Variants in ZNF101 observed in about 807,000 individuals in gnomAD.
ZNF101 encodes the protein zinc finger protein 101, also known as zinc finger protein 101 (Y2).
A neutral mutation model predicts 42.6 loss-of-function variants in ZNF101; 34 were observed. The ratio of observed to expected loss-of-function variants is 0.80; its 90% CI spans 0.61 to 1.06. ZNF101 has a LOEUF of 1.06. Among genes scored for constraint, ZNF101 ranks in the 50% least tolerant of loss-of-function variants. The pLI is 0.00. For synonymous variants in ZNF101, 158 were observed against 183.9 expected (o/e 0.86, Z 1.14); for missense variants, 466 against 530.9 (o/e 0.88, Z 1.20).
At position 19,680,145 on chromosome 19, in the gene ZNF101, A is replaced by G; in HGVS notation, c.1156A>G (p.Met386Val). Residue 386 changes from methionine to valine, a missense_variant, in exon 4 of 4, where the codon ATG (methionine) becomes GTG (valine). Coordinates refer to ENST00000592502, the MANE Select transcript of ZNF101 (RefSeq NM_033204.4). The part of the protein sequence containing the change: ...GWCSSLRRHE[M>V]THTGEKPFDC... ...GTGCAGTTCCCTCCGAAGACATGAA[A>G]TGACTCACACTGGAGAAAAACCCTT... The G allele has an allele frequency of 1.9e-6, 3 of 1,613,536 alleles. No homozygotes were observed. Among genetic ancestry groups the G allele is most frequent in the Non-Finnish European group, 2.5e-6 (3 of 1,179,884 alleles).
chr19:19,668,695 C>T (rs1568434662), upstream of ZNF101: 1 of 469,354 alleles, frequency 2.1e-6, no homozygotes, highest in Non-Finnish European at 3.8e-6. Flanking sequence ...ATTCCGATCA[C>T]CTCTCCTGTC....
At chr19:19,669,067 G>C (rs2062152758) in intron 1 of ZNF101, 101 bp downstream of exon 1, 6 of 1,465,938 alleles carry the variant, frequency 4.1e-6, no homozygotes, top group African/African-American at 1.4e-5. Flanking sequence ...GGGGGTCTGG[G>C]ACCCGAGTCC....
chr19:19,675,866 G>T (rs1031745204), intron 1 of ZNF101, among the ~76,000 whole-genome samples: 3 of 152,150 alleles, frequency 2.0e-5, no homozygotes, highest in Non-Finnish European at 2.9e-5. Flanking sequence ...AAAATTAGCT[G>T]GGTGTGGTGG....
chr19:19,682,003 A>G lies in ZNF101; in HGVS notation c.*1703A>G, dbSNP rs556399306. On this transcript the variant is annotated 3_prime_UTR_variant, in exon 4 of 4. Transcript: ENST00000592502. ...AGTGGCACAATCTCGGCTCACTGCAACCTCCGCCTCCTGGGTGTGAGCAAT... is the reference window on the plus strand; with the variant it reads ...AGTGGCACAATCTCGGCTCACTGCAGCCTCCGCCTCCTGGGTGTGAGCAAT... The G allele has an allele frequency of 1.4e-5, 2 of 147,330 alleles. No individual in the cohort carries two copies. The highest frequency in any genetic ancestry group is 1.4e-4 in the Admixed American group (2 of 14,606). The allele number at this position is 147,330 out of a possible 1,614,324, so 9.1% of individuals were successfully genotyped here. A position where few individuals can be genotyped will look rare whatever the true frequency, so the allele number is the denominator to read the frequency against.
intron 1 of ZNF101, among the ~76,000 whole-genome samples, chr19:19,673,218 T>G: frequency 6.7e-6 from 1 of 148,240 alleles, no homozygotes; most frequent in Non-Finnish European, 1.5e-5. Context: ...CCCAAAGTGG[T>G]GGGATTACAG....
intron 1 of ZNF101, among the ~76,000 whole-genome samples, chr19:19,669,314 C>T (rs554727893): frequency 6.6e-6 from 1 of 152,154 alleles, no homozygotes. Flanking sequence ...TTCCTCCTCC[C>T]TTAGGCGGTC....
intron 1 of ZNF101, among the ~76,000 whole-genome samples, chr19:19,672,823 G>A (rs1402539780): frequency 6.6e-6 from 1 of 152,038 alleles, no homozygotes; most frequent in African/African-American, 2.4e-5. Flanking sequence ...CACTGTGACT[G>A]GCTGGTATTT....
Position 19,670,837 on chromosome 19 carries a change from G to A in ZNF101, c.3+1871G>A, listed in dbSNP as rs145535422. 6.4e-3 allele frequency among the ~76,000 whole-genome samples: 979 copies of A among 152,220 alleles called. 5 individuals carry two copies. The highest frequency in any genetic ancestry group is 0.022 in the African/African-American group (928 of 41,530). ...AAAGGCATGGTAGGTCGGGCGCGATGGCTCACGCCTGTAATCCCAACACTT... is the reference window on the plus strand; with the variant it reads ...AAAGGCATGGTAGGTCGGGCGCGATAGCTCACGCCTGTAATCCCAACACTT... On this transcript the variant is annotated intron_variant, in intron 1 of 3. Transcript: ENST00000592502.
Position 19,679,652 on chromosome 19 carries a change from A to T in ZNF101, c.663A>T (p.Gly221=), listed in dbSNP as rs369288641. The change falls in exon 4 of 4, where the codon GGA becomes GGT. Residue 221 remains glycine, a synonymous_variant. Coordinates refer to ENST00000592502, the MANE Select transcript of ZNF101 (RefSeq NM_033204.4). ...FFRKHGKMHT[G]EKRYECKYCG... ...GAAAACATGGAAAAATGCATACTGG[A>T]GAAAAACGCTATGAATGTAAATACT... is the stretch of plus-strand genomic sequence containing the variant. The T allele has an allele frequency of 1.9e-6, 3 of 1,613,666 alleles. No homozygotes were observed. Among genetic ancestry groups the T allele is most frequent in the Non-Finnish European group, 2.5e-6 (3 of 1,179,730 alleles).
chr19:19,668,905 T>C lies in ZNF101; in HGVS notation c.-59T>C. 1 of 1,548,374 alleles carries C rather than the reference T, an allele frequency of 6.5e-7. No individual in the cohort carries two copies. Among genetic ancestry groups the C allele is most frequent in the Non-Finnish European group, 8.7e-7 (1 of 1,143,954 alleles). On this transcript the variant is annotated 5_prime_UTR_variant, in exon 1 of 4. Transcript: ENST00000592502. ...CCCGGATACGGCTGATTTTGTCGTG[T>C]GGGACCTGTTCTGGCTGCTCCAGCC...
At position 19,679,803 on chromosome 19, in the gene ZNF101, G is replaced by C; in HGVS notation, c.814G>C (p.Glu272Gln). 3 of 1,613,806 alleles carry C rather than the reference G, an allele frequency of 1.9e-6. No homozygotes were observed. Among genetic ancestry groups the C allele is most frequent in the Non-Finnish European group, 2.5e-6 (3 of 1,179,848 alleles). The change falls in exon 4 of 4, where the codon GAA becomes CAA. Residue 272 changes from glutamate (E) to glutamine (Q), a missense_variant. Coordinates refer to ENST00000592502, the MANE Select transcript of ZNF101 (RefSeq NM_033204.4). ...TTCCGCAGGTTACCTTCGGACACAT[G>C]AAATCAGATCTCACGCGCTGGAGAA... ...FISAGYLRTH[E>Q]IRSHALEKSH...
rs1401789757 is a variant in ZNF101, at chr19:19,682,342, C to A, written c.*2042C>A. 2.6e-5 allele frequency: 4 copies of A among 152,008 alleles called. No homozygotes were observed. The highest frequency in any genetic ancestry group is 1.5e-5 in the Non-Finnish European group (1 of 68,032). 9.4% of individuals were successfully genotyped at this position (152,008 alleles called of 1,614,324 possible). On this transcript the variant is annotated 3_prime_UTR_variant, in exon 4 of 4. Coordinates refer to ENST00000592502, the MANE Select transcript of ZNF101 (RefSeq NM_033204.4). ...TCAAGCAATTCTCCTGCTTCAGTCT[C>A]CGAAGCATCTGGGATTACAGGCGCA... is the stretch of plus-strand genomic sequence containing the variant.
chr19:19,682,322 C>G lies in ZNF101; in HGVS notation c.*2022C>G, dbSNP rs1379123326. On this transcript the variant is annotated 3_prime_UTR_variant, in exon 4 of 4. Transcript: ENST00000592502. ...GTAACCTCTGACTTCTGGGTTCAAG[C>G]AATTCTCCTGCTTCAGTCTCCGAAG... The G allele has an allele frequency of 6.6e-6, 1 of 151,776 alleles. No individual in the cohort carries two copies. The highest frequency in any genetic ancestry group is 1.5e-5 in the Non-Finnish European group (1 of 68,002). The allele number at this position is 151,776 out of a possible 1,614,324, so 9.4% of individuals were successfully genotyped here.
chr19:19,669,933 C>T (rs2145041288), intron 1 of ZNF101, among the ~76,000 whole-genome samples: 1 of 152,214 alleles, frequency 6.6e-6, no homozygotes, highest in African/African-American at 2.4e-5. Context: ...ATCACTGTGC[C>T]TGCCCTCTTT....
intron 1 of ZNF101, among the ~76,000 whole-genome samples, chr19:19,673,318 C>T (rs1027265802): frequency 6.4e-5 from 9 of 140,704 alleles, no homozygotes; most frequent in Non-Finnish European, 6.1e-5. Flanking sequence ...GGCATGATCT[C>T]GGCTCACTGC....
At position 19,678,736 on chromosome 19, in the gene ZNF101, G is replaced by A. The variant is rs1195932440; in HGVS notation, c.141G>A (p.Trp47Ter). 2 of 1,604,878 alleles carry A rather than the reference G, an allele frequency of 1.2e-6. No individual in the cohort carries two copies. The highest frequency in any genetic ancestry group is 1.7e-5 in the Admixed American group (1 of 57,854). ...FRNLASVGIQ[W>*]KDQDIENLYQ... ...GGGTCTACATTTTAGGAATCCAATG[G>A]AAAGACCAGGACATTGAGAATCTGT... Residue 47 changes from tryptophan (W) to a stop codon, truncating the protein, a stop_gained, in exon 3 of 4, where the codon TGG becomes TGA. Transcript: ENST00000592502. LOFTEE classifies it high-confidence loss of function.
intron 1 of ZNF101, among the ~76,000 whole-genome samples, chr19:19,670,734 G>A (rs2062163074): frequency 6.6e-6 from 1 of 151,366 alleles, no homozygotes; most frequent in African/African-American, 2.4e-5. Context: ...CTGAACGACA[G>A]AGTGAGACCC....
In ZNF101 at chr19:19,678,064, T is replaced by G. The variant is rs2062213701; in HGVS notation, c.130+74T>G. 4 of 1,570,482 alleles carry G rather than the reference T, an allele frequency of 2.5e-6. No homozygotes were observed. In the Admixed American group the frequency reaches 6.9e-5, roughly 27 times the overall value. ...TGGTCACCAGTGTGGTTGCACAGTT[T>G]GGAATGTGGAAAGAGAATACGTTGG... On this transcript the variant is annotated intron_variant, in intron 2 of 3. Coordinates refer to ENST00000592502, the MANE Select transcript of ZNF101 (RefSeq NM_033204.4).
At position 19,679,748 on chromosome 19, in the gene ZNF101, C is replaced by G. The variant is rs755387484; in HGVS notation, c.759C>G (p.Tyr253Ter). 2 of 1,612,092 alleles carry G rather than the reference C, an allele frequency of 1.2e-6. No homozygotes were observed. Among genetic ancestry groups the G allele is most frequent in the South Asian group, 2.2e-5 (2 of 90,916 alleles). ...GAACTCACACTGGAGAAAAACCTTA[C>G]AAATGTAAACAATGTGGTAAAGCCT... Reference protein sequence around the residue: ...HVRTHTGEKPYKCKQCGKAFI... With the variant: ...HVRTHTGEKP Residue 253 changes from tyrosine to a stop codon, truncating the protein, a stop_gained, in exon 4 of 4, where the codon TAC (tyrosine) becomes TAG (stop). Transcript: ENST00000592502. LOFTEE classifies it high-confidence loss of function.
Sources: gnomAD v4.1 joint callset for allele counts (sites outside exome capture counted in the v4.1 genomes callset) on GRCh38, gnomAD v4.1.1 for gene constraint, MANE v1.5 for transcripts, NCBI Gene and HGNC (gene_info 2026-07-23, HGNC 2026-07-21) for gene names.